Variants in ELMO1 observed in about 807,000 individuals in gnomAD.
ELMO1 encodes the protein engulfment and cell motility 1, also known as engulfment and cell motility protein 1.
In ELMO1, 26 loss-of-function variants were observed where a neutral mutation model predicts 98.9. The ratio of observed to expected loss-of-function variants is 0.26; its 90% CI spans 0.19 to 0.36. ELMO1 has a LOEUF of 0.36. Among genes scored for constraint, ELMO1 ranks in the 10% least tolerant of loss-of-function variants. ELMO1 has a pLI of 1.00. For synonymous variants in ELMO1, 346 were observed against 346.0 expected, an observed-to-expected ratio of 1.00 and a Z score of 0.00; for missense variants, 627 against 935.2, an observed-to-expected ratio of 0.67 and a Z score of 4.30.
At chr7:37,017,149 C>A (rs1458030761) in intron 15 of ELMO1, among the ~76,000 whole-genome samples, 1 of 152,202 alleles carries the variant, frequency 6.6e-6, no homozygotes, top group East Asian at 1.9e-4. Context: ...CTGGACCTTA[C>A]TCCTCCTTTC....
At chr7:36,924,207 C>T (rs1785358706) in intron 16 of ELMO1, among the ~76,000 whole-genome samples, 1 of 152,164 alleles carries the variant, frequency 6.6e-6, no homozygotes, top group Non-Finnish European at 1.5e-5. Context: ...CTGCTTTGGC[C>T]TTGACTTTAT....
At chr7:37,313,626 G>A (rs111552222) in intron 4 of ELMO1, among the ~76,000 whole-genome samples, 3 of 152,180 alleles carry the variant, frequency 2.0e-5, no homozygotes, top group South Asian at 2.1e-4. Context: ...TGGGAAGAAC[G>A]AAGCAATTTC....
At chr7:36,978,037 C>T (rs960589750) in intron 16 of ELMO1, among the ~76,000 whole-genome samples, 1 of 152,132 alleles carries the variant, frequency 6.6e-6, no homozygotes, top group Admixed American at 6.5e-5. Context: ...AATCCCAAGG[C>T]CTAGAACAGT....
intron 18 of ELMO1, among the ~76,000 whole-genome samples, chr7:36,884,854 T>C (rs1017296352): frequency 1.3e-5 from 2 of 152,224 alleles, no homozygotes; most frequent in African/African-American, 4.8e-5. Flanking sequence ...GTCCTACTCA[T>C]TGTCAGACAA....
intron 15 of ELMO1, among the ~76,000 whole-genome samples, chr7:37,052,893 T>G (rs2129205937): frequency 6.6e-6 from 1 of 152,268 alleles, no homozygotes; most frequent in South Asian, 2.1e-4. Context: ...CGTGTTTGTC[T>G]GAGGCTCCCT....
chr7:37,390,750 AC>A (rs1380867677), intron 1 of ELMO1, among the ~76,000 whole-genome samples: 2 of 151,904 alleles, frequency 1.3e-5, no homozygotes, highest in Non-Finnish European at 2.9e-5. Context: ...GGTGCTTACC[AC>A]CCCCCAGCCC....
intron 1 of ELMO1, among the ~76,000 whole-genome samples, chr7:37,380,236 T>C (rs1376859299): frequency 6.6e-6 from 1 of 152,248 alleles, no homozygotes; most frequent in Admixed American, 6.5e-5. Context: ...TTAGCCATCC[T>C]GGTGGCTTTT....
chr7:37,250,556 G>A (rs1795286793), intron 6 of ELMO1, among the ~76,000 whole-genome samples: 1 of 152,062 alleles, frequency 6.6e-6, no homozygotes, highest in South Asian at 2.1e-4. Flanking sequence ...ACTTTGGGAG[G>A]CCGAGGCGGG....
intron 17 of ELMO1, among the ~76,000 whole-genome samples, chr7:36,893,378 A>G (rs1417938648): frequency 6.6e-6 from 1 of 152,088 alleles, no homozygotes; most frequent in Admixed American, 6.5e-5. Flanking sequence ...CTGAGGACCA[A>G]TGCAAAACCC....
At chr7:37,183,720 C>CTT (rs58558141) in intron 13 of ELMO1, among the ~76,000 whole-genome samples, 32 of 150,840 alleles carry the variant, frequency 2.1e-4, no homozygotes, top group Admixed American at 9.9e-4. Flanking sequence ...ATATTCCAGA[C>CTT]TTTTTTTTTC....
intron 17 of ELMO1, among the ~76,000 whole-genome samples, chr7:36,890,150 T>C (rs1306313228): frequency 6.6e-6 from 1 of 152,202 alleles, no homozygotes; most frequent in Non-Finnish European, 1.5e-5. Flanking sequence ...GTTTACTAGC[T>C]TTGCTTTGCT....
At chr7:36,939,227 A>T (rs1022646878) in intron 16 of ELMO1, among the ~76,000 whole-genome samples, 1 of 151,858 alleles carries the variant, frequency 6.6e-6, no homozygotes, top group African/African-American at 2.4e-5. Flanking sequence ...TTGGCCACTT[A>T]CCGAAGACAG....
At chr7:37,345,051 A>G (rs1800930151) in intron 1 of ELMO1, among the ~76,000 whole-genome samples, 1 of 152,250 alleles carries the variant, frequency 6.6e-6, no homozygotes, top group African/African-American at 2.4e-5. Context: ...TATATAAATA[A>G]CTAACTTCAG....
rs117220203 is a variant in ELMO1 at position 36,943,509 on chromosome 7, A to G, written c.1438-48492T>C. Among the ~76,000 whole-genome samples, 588 of 152,258 alleles carry G rather than the reference A, an allele frequency of 3.9e-3. 4 individuals carry two copies. Among genetic ancestry groups the G allele is most frequent in the Non-Finnish European group, 6.7e-3 (454 of 68,022 alleles). On this transcript the variant is annotated intron_variant, in intron 16 of 21. Coordinates refer to ENST00000310758, the MANE Select transcript of ELMO1 (RefSeq NM_014800.11). Reference sequence around the variant, plus strand: ...GCTTGATCACCAATTTCATTCATAGACAATTTGATTGGAGTTTTGGGGGAT... The same window carrying G: ...GCTTGATCACCAATTTCATTCATAGGCAATTTGATTGGAGTTTTGGGGGAT...
chr7:36,983,059 T>G (rs970573559), intron 16 of ELMO1, among the ~76,000 whole-genome samples: 2 of 152,240 alleles, frequency 1.3e-5, no homozygotes. Flanking sequence ...TGGTTGTTCC[T>G]AGTTGTTCAT....
chr7:37,092,034 C>G (rs1784123743), intron 15 of ELMO1, among the ~76,000 whole-genome samples: 1 of 152,162 alleles, frequency 6.6e-6, no homozygotes, highest in Non-Finnish European at 1.5e-5. Flanking sequence ...TATCATCCCT[C>G]AATCTTCAAT....
intron 16 of ELMO1, among the ~76,000 whole-genome samples, chr7:36,935,165 G>A (rs946330482): frequency 4.6e-5 from 7 of 152,080 alleles, no homozygotes; most frequent in South Asian, 2.1e-4. Context: ...TACTGTTCTC[G>A]CGCCAGTGAA....
chr7:36,853,824 G>A lies in ELMO1; in HGVS notation c.*1727C>T, dbSNP rs1294173022. On this transcript the variant is annotated 3_prime_UTR_variant, in exon 22 of 22. Coordinates refer to ENST00000310758, the MANE Select transcript of ELMO1 (RefSeq NM_014800.11). ...CTTCTGACATCCCTCCCAGTGCTGG[G>A]AGTTTACAATCCTGATAATGCCTCC... is the stretch of plus-strand genomic sequence containing the variant. Among the ~76,000 whole-genome samples, 1 of 152,184 alleles carries A rather than the reference G, an allele frequency of 6.6e-6. No individual in the cohort carries two copies. The highest frequency in any genetic ancestry group is 1.5e-5 in the Non-Finnish European group (1 of 68,048).
intron 15 of ELMO1, among the ~76,000 whole-genome samples, chr7:37,051,258 G>A (rs558690459): frequency 4.6e-5 from 7 of 152,282 alleles, no homozygotes; most frequent in South Asian, 4.2e-4. Context: ...TAAGAGCTTT[G>A]CAAATGTACA....
Sources: allele counts gnomAD v4.1 joint callset (sites outside exome capture counted in the v4.1 genomes callset), GRCh38; gene constraint gnomAD v4.1.1; transcripts MANE v1.5; gene names NCBI Gene and HGNC (gene_info 2026-07-23, HGNC 2026-07-21).